Variants in AGO1 observed in about 807,000 individuals in gnomAD.
AGO1 encodes the protein protein argonaute-1.
A neutral mutation model predicts 109.2 loss-of-function variants in AGO1; 11 were observed. The ratio of observed to expected loss-of-function variants is 0.10; its 90% CI spans 0.06 to 0.17. AGO1 has a LOEUF of 0.17. Among genes scored for constraint, AGO1 ranks in the 10% least tolerant of loss-of-function variants. The pLI, the probability that AGO1 is intolerant of heterozygous loss-of-function variation, is 1.00. For missense variants in AGO1, 574 were observed against 1,140.3 expected (o/e 0.50, Z 7.15); for synonymous variants, 422 against 418.6 (o/e 1.01, Z -0.10).
chr1:35,908,817 T>C (rs1005154234), intron 12 of AGO1, among the ~76,000 whole-genome samples: 4 of 116,780 alleles, frequency 3.4e-5, no homozygotes, highest in African/African-American at 1.3e-4. Context: ...CTAACCTTCC[T>C]TTTTTTTTTT....
intron 2 of AGO1, 89 bp from the exon 3 acceptor site, chr1:35,892,468 A>G: frequency 6.4e-7 from 1 of 1,565,284 alleles, no homozygotes; most frequent in East Asian, 2.2e-5. Flanking sequence ...AGTATAATAG[A>G]TGGGACATTG....
chr1:35,917,579 T>G lies in AGO1; in HGVS notation c.2029-14T>G. The G allele has an allele frequency of 6.2e-7, 1 of 1,604,982 alleles. No individual in the cohort carries two copies. The highest frequency in any genetic ancestry group is 8.5e-7 in the Non-Finnish European group (1 of 1,173,128). ...TGTATTTCTTTGTTTCCCTCCCCAT[T>G]TTTTTGTGCCTAGATACTCCACTAT... On this transcript the variant is annotated splice_polypyrimidine_tract_variant and intron_variant, in intron 15 of 18. Coordinates refer to ENST00000373204, the MANE Select transcript of AGO1 (RefSeq NM_012199.5).
At chr1:35,892,839 T>C (rs1235754850) in intron 3 of AGO1, among the ~76,000 whole-genome samples, 162 bp downstream of exon 3, 2 of 152,224 alleles carry the variant, frequency 1.3e-5, no homozygotes, top group Non-Finnish European at 2.9e-5. Flanking sequence ...TAGTCTATCA[T>C]GTGCCTGTCC....
chr1:35,901,655 C>A lies in AGO1; in HGVS notation c.1140+62C>A. 3.1e-6 allele frequency: 5 copies of A among 1,609,502 alleles called. No homozygotes were observed. The highest frequency in any genetic ancestry group is 4.2e-6 in the Non-Finnish European group (5 of 1,177,358). ...CATTGGTAGCATAAATGTTTTAATG[C>A]CCCAGCAGGACCTTCCTTCAGGAGA... On this transcript the variant is annotated intron_variant, in intron 9 of 18. Coordinates refer to ENST00000373204, the MANE Select transcript of AGO1 (RefSeq NM_012199.5). The surrounding 1 kb of genome is among the most constrained non-coding windows in gnomAD (Gnocchi z 4.8).
At position 35,924,429 on chromosome 1, in the gene AGO1, A is replaced by G. The variant is rs979339120; in HGVS notation, c.*4822A>G. On this transcript the variant is annotated 3_prime_UTR_variant, in exon 19 of 19. Coordinates refer to ENST00000373204, the MANE Select transcript of AGO1 (RefSeq NM_012199.5). Reference sequence around the variant, plus strand: ...GGAATACTTCACAGAGCCTTCATTTATTCTTCATTCAACAAACATGCAAAG... The same window carrying G: ...GGAATACTTCACAGAGCCTTCATTTGTTCTTCATTCAACAAACATGCAAAG... The G allele has an allele frequency of 8.5e-5, 13 of 152,356 alleles. No homozygotes were observed. The highest frequency in any genetic ancestry group is 3.1e-4 in the African/African-American group (13 of 41,428). The allele number at this position is 152,356 out of a possible 1,614,324, so 9.4% of individuals were successfully genotyped here. A position where few individuals can be genotyped will look rare whatever the true frequency, so the allele number is the denominator to read the frequency against.
intron 11 of AGO1, among the ~76,000 whole-genome samples, chr1:35,905,010 A>G (rs1645493615): frequency 6.6e-6 from 1 of 152,156 alleles, no homozygotes; most frequent in Non-Finnish European, 1.5e-5. Context: ...TTCTGGCTAA[A>G]GAGGCCCTAT....
chr1:35,911,310 T>C (rs1206868932), intron 12 of AGO1, among the ~76,000 whole-genome samples: 1 of 152,224 alleles, frequency 6.6e-6, no homozygotes, highest in Non-Finnish European at 1.5e-5. Flanking sequence ...TGAAGTGTTT[T>C]TTTGAATGAT....
In AGO1 at chr1:35,914,289, G is replaced by A. The variant is rs374097451; in HGVS notation, c.1833+15G>A. On this transcript the variant is annotated intron_variant, in intron 14 of 18. Transcript: ENST00000373204. The stretch of plus-strand genomic sequence containing the variant: ...CTATCACAGCAGTGAGTGATATTCT[G>A]TAGCTGCCTCATAAGGTTCTCCTCT... 1.2e-6 allele frequency: 2 copies of A among 1,605,890 alleles called. No individual in the cohort carries two copies. The highest frequency in any genetic ancestry group is 1.3e-5 in the African/African-American group (1 of 74,802).
Position 35,927,538 on chromosome 1 carries a change from T to C in AGO1, c.*7931T>C, listed in dbSNP as rs2148731193. On this transcript the variant is annotated 3_prime_UTR_variant, in exon 19 of 19. Transcript: ENST00000373204. ...TCTGTGTCCTTCTAAAGCAAGGAAG[T>C]CTTCCCCTGGAAGCTCCAACAGATA... 1 of 152,330 alleles carries C rather than the reference T, an allele frequency of 6.6e-6. No individual in the cohort carries two copies. Among genetic ancestry groups the C allele is most frequent in the East Asian group, 1.9e-4 (1 of 5,182 alleles). The allele number at this position is 152,330 out of a possible 1,614,324, so 9.4% of individuals were successfully genotyped here. A position where few individuals can be genotyped will look rare whatever the true frequency, so the allele number is the denominator to read the frequency against.
chr1:35,873,428 T>G (rs1055619254), intron 1 of AGO1: 1 of 153,460 alleles, frequency 6.5e-6, no homozygotes, highest in Admixed American at 6.6e-5. Context: ...TAGATCTCAC[T>G]CATCTCGATG....
intron 1 of AGO1, among the ~76,000 whole-genome samples, chr1:35,878,149 T>C (rs1367615540): frequency 7.2e-5 from 11 of 152,046 alleles, no homozygotes; most frequent in Admixed American, 7.2e-4. Context: ...AGTGGTGCAG[T>C]CTCGGCTTAT....
chr1:35,893,863 T>G lies in AGO1; in HGVS notation c.649+53T>G. 1.3e-5 allele frequency: 20 copies of G among 1,578,174 alleles called. No individual in the cohort carries two copies. The South Asian group carries it at 2.2e-4, about 17-fold the overall frequency. ...GGCACCCCAAGTCCAGTGACCACAC[T>G]CCCAGCCTCATCCCTCCCAGCTCTG... On this transcript the variant is annotated intron_variant, in intron 5 of 18. Transcript: ENST00000373204. This position sits in a 1 kb window ranked among gnomAD's most constrained non-coding sequence, Gnocchi z 5.6.
At chr1:35,916,592 T>G (rs1428947166) in intron 15 of AGO1, among the ~76,000 whole-genome samples, 2 of 152,168 alleles carry the variant, frequency 1.3e-5, no homozygotes, top group Non-Finnish European at 2.9e-5. Context: ...GGTCTCAAAC[T>G]CCTGACCTCA....
rs1452924763 is a variant in AGO1, at chr1:35,926,904, T to C, written c.*7297T>C. The C allele has an allele frequency of 6.6e-6, 1 of 152,044 alleles. No homozygotes were observed. The highest frequency in any genetic ancestry group is 2.4e-5 in the African/African-American group (1 of 41,380). 9.4% of individuals were successfully genotyped at this position (152,044 alleles called of 1,614,324 possible). On this transcript the variant is annotated 3_prime_UTR_variant, in exon 19 of 19. Coordinates refer to ENST00000373204, the MANE Select transcript of AGO1 (RefSeq NM_012199.5). ...TGTCCTGTTGTTCTGGACTGTAGCA[T>C]CTTCACCACCATCCTCTTGGCAATG...
upstream of AGO1, among the ~76,000 whole-genome samples, chr1:35,878,718 A>G (rs149501169): frequency 1.8e-3 from 276 of 152,366 alleles, 1 homozygote; most frequent in African/African-American, 6.5e-3. Context: ...ATTTTCTCAT[A>G]CAAATCACAT....
chr1:35,881,416 G>C (rs1322579455), upstream of AGO1, among the ~76,000 whole-genome samples: 2 of 152,098 alleles, frequency 1.3e-5, no homozygotes, highest in African/African-American at 4.8e-5. Flanking sequence ...CCCCTCCCCG[G>C]TTCAAGCTAT....
intron 7 of AGO1, 78 bp from the exon 8 acceptor site, chr1:35,895,044 C>T: frequency 6.8e-7 from 1 of 1,473,162 alleles, no homozygotes; most frequent in Non-Finnish European, 9.0e-7. Context: ...AAATCTGAGG[C>T]TTCCATGGTT....
upstream of AGO1, among the ~76,000 whole-genome samples, chr1:35,879,734 CAAAAAAAA>C (rs71034705): frequency 4.6e-3 from 264 of 57,496 alleles, 1 homozygote; most frequent in Non-Finnish European, 5.4e-3. Context: ...GGTTCTGTCT[CAAAAAAAA>C]AAAAAAAAAA....
rs780701723 is a variant in AGO1 at position 35,929,137 on chromosome 1, G to C, written c.*9530G>C. 1 of 152,296 alleles carries C rather than the reference G, an allele frequency of 6.6e-6. No homozygotes were observed. The highest frequency in any genetic ancestry group is 1.5e-5 in the Non-Finnish European group (1 of 68,076). The allele number at this position is 152,296 out of a possible 1,614,324, so 9.4% of individuals were successfully genotyped here. On this transcript the variant is annotated 3_prime_UTR_variant, in exon 19 of 19. Transcript: ENST00000373204. ...CTCTGTACCCTTAAGAGCAGACTCAGTTGGGAATGAGTTATCCAAATATAG... is the reference window on the plus strand; with the variant it reads ...CTCTGTACCCTTAAGAGCAGACTCACTTGGGAATGAGTTATCCAAATATAG...
Sources: gnomAD v4.1 joint callset for allele counts (sites outside exome capture counted in the v4.1 genomes callset) on GRCh38, gnomAD v4.1.1 for gene constraint, Gnocchi (gnomAD v3.1) non-coding constraint, MANE v1.5 for transcripts, NCBI Gene and HGNC (gene_info 2026-07-23, HGNC 2026-07-21) for gene names.